Variants in PDS5A observed in about 807,000 individuals in gnomAD.
The protein encoded by PDS5A is sister chromatid cohesion protein PDS5 homolog A.
Under a neutral mutation model 167.1 loss-of-function variants are expected in PDS5A, and 42 were observed. That is an observed-to-expected ratio of 0.25 (90% CI 0.20 to 0.33). The LOEUF is 0.33. Among genes scored for constraint, PDS5A ranks in the 10% least tolerant of loss-of-function variants. The pLI, the probability that PDS5A is intolerant of heterozygous loss-of-function variation, is 1.00. For missense variants in PDS5A, 1,033 were observed against 1,605.9 expected, an observed-to-expected ratio of 0.64 and a Z score of 6.10; for synonymous variants, 553 against 554.6, an observed-to-expected ratio of 1.00 and a Z score of 0.04.
intron 32 of PDS5A, among the ~76,000 whole-genome samples, chr4:39,825,930 T>G (rs1373211735): frequency 6.6e-6 from 1 of 152,076 alleles, no homozygotes; most frequent in Admixed American, 6.6e-5. Flanking sequence ...CTTAAAAAGT[T>G]TTTTCATTTT....
chr4:39,926,551 A>T (rs1439361709), intron 4 of PDS5A, among the ~76,000 whole-genome samples: 1 of 151,878 alleles, frequency 6.6e-6, no homozygotes. Flanking sequence ...AGATACAAAC[A>T]AAAGATATAG....
At chr4:39,960,752 T>C (rs1235892720) in intron 2 of PDS5A, among the ~76,000 whole-genome samples, 1 of 151,580 alleles carries the variant, frequency 6.6e-6, no homozygotes, top group African/African-American at 2.4e-5. Flanking sequence ...TGCAGTGGTG[T>C]GATCTCAGCT....
chr4:39,934,646 G>GA (rs1425918236), intron 2 of PDS5A, among the ~76,000 whole-genome samples: 9 of 145,158 alleles, frequency 6.2e-5, no homozygotes, highest in South Asian at 4.3e-4. Flanking sequence ...AAATGAGCAG[G>GA]AAAAAATCAA....
intron 7 of PDS5A, among the ~76,000 whole-genome samples, chr4:39,919,894 C>A: frequency 6.7e-6 from 1 of 149,050 alleles, no homozygotes. Context: ...ACAGGCAAAA[C>A]AACCAAACCA....
At chr4:39,912,369 G>T (rs1402471678) in intron 9 of PDS5A, among the ~76,000 whole-genome samples, 1 of 152,168 alleles carries the variant, frequency 6.6e-6, no homozygotes, top group African/African-American at 2.4e-5. Context: ...AAAAATATTT[G>T]ATGTCCATCC....
At chr4:39,832,962 T>C (rs894767783) in intron 32 of PDS5A, among the ~76,000 whole-genome samples, 1 of 150,670 alleles carries the variant, frequency 6.6e-6, no homozygotes, top group African/African-American at 2.4e-5. Context: ...TCAAGACCAG[T>C]CTGGCCAACA....
At chr4:39,901,569 C>T (rs1722891071) in intron 13 of PDS5A, among the ~76,000 whole-genome samples, 1 of 152,072 alleles carries the variant, frequency 6.6e-6, no homozygotes, top group South Asian at 2.1e-4. Flanking sequence ...CACGTCCGGC[C>T]TAAAAATGCA....
chr4:39,833,191 C>CAAAAAAAAAAAAAAAAAA (rs1166233113), intron 32 of PDS5A, among the ~76,000 whole-genome samples: 1 of 37,928 alleles, frequency 2.6e-5, no homozygotes, highest in African/African-American at 1.3e-4. Flanking sequence ...AACTCCGTCT[C>CAAAAAAAAAAAAAAAAAA]AAAAAAAAAA....
At chr4:39,842,909 T>TATATATATATATATA (rs1717167841) in intron 30 of PDS5A, among the ~76,000 whole-genome samples, 43 of 92,310 alleles carry the variant, frequency 4.7e-4, no homozygotes, top group African/African-American at 1.5e-3. Context: ...TATCCTATTT[T>TATATATATATATATA]TATATATATA....
chr4:39,886,606 G>A (rs1239253821), intron 17 of PDS5A, among the ~76,000 whole-genome samples: 1 of 151,954 alleles, frequency 6.6e-6, no homozygotes, highest in Non-Finnish European at 1.5e-5. Flanking sequence ...ATGGCTACTT[G>A]GGAGGCTGAG....
chr4:39,852,595 C>T (rs1718210970), intron 26 of PDS5A, among the ~76,000 whole-genome samples: 1 of 152,164 alleles, frequency 6.6e-6, no homozygotes, highest in South Asian at 2.1e-4. Context: ...AAAGTTATAA[C>T]TGCTCATTCT....
chr4:39,935,066 TCCTA>T (rs893017835), intron 2 of PDS5A, among the ~76,000 whole-genome samples: 4 of 152,244 alleles, frequency 2.6e-5, no homozygotes, highest in Admixed American at 6.5e-5. Context: ...GCTTTGTGTG[TCCTA>T]CCTAAGAAAT....
intron 2 of PDS5A, among the ~76,000 whole-genome samples, chr4:39,949,832 A>AAAAAAAAAAAAAAT: frequency 6.6e-6 from 1 of 150,902 alleles, no homozygotes; most frequent in Non-Finnish European, 1.5e-5. Context: ...AAAAAAAAAA[A>AAAAAAAAAAAAAAT]AAAGAAAAAC....
At chr4:39,930,246 A>AAAAAAAAAAAAAAAAATTTTTT in intron 2 of PDS5A, among the ~76,000 whole-genome samples, 6 of 93,090 alleles carry the variant, frequency 6.4e-5, no homozygotes, top group East Asian at 4.9e-4. Context: ...AAAAAAAAAA[A>AAAAAAAAAAAAAAAAATTTTTT]GTTTTTTTGT....
At chr4:39,942,473 C>T (rs1578791406) in intron 2 of PDS5A, among the ~76,000 whole-genome samples, 1 of 152,116 alleles carries the variant, frequency 6.6e-6, no homozygotes, top group African/African-American at 2.4e-5. Context: ...TTTCTTGAGA[C>T]AGGGTCTCAC....
In PDS5A at chr4:39,866,965, C is replaced by T. The variant is rs1355649766; in HGVS notation, c.2538G>A (p.Leu846=). The T allele has an allele frequency of 1.9e-6, 3 of 1,612,206 alleles. No homozygotes were observed. Among genetic ancestry groups the T allele is most frequent in the Non-Finnish European group, 2.5e-6 (3 of 1,178,888 alleles). Residue 846 remains leucine (L), a synonymous_variant, in exon 23 of 33, where the codon CTG becomes CTA. Coordinates refer to ENST00000303538, the MANE Select transcript of PDS5A (RefSeq NM_001100399.2). The part of the protein sequence containing the change: ...VQAIKLLVRW[L]LGMKNNQSKS... ...TAGACTGGTTGTTTTTCATACCCAA[C>T]AGCCACCTTACCAGAAGTTTAATTG...
chr4:39,868,604 T>C lies in PDS5A; in HGVS notation c.2505+790A>G, dbSNP rs10022884. ...TCAGCCTCCCAAAGTGCTGGGATTA[T>C]AGGCGTGAGCCACCATGCCTAGCCC... is the stretch of plus-strand genomic sequence containing the variant. On this transcript the variant is annotated intron_variant, in intron 22 of 32. Transcript: ENST00000303538. The C allele has an allele frequency of 4.5e-3, 2,010 of 450,828 alleles. 40 individuals are homozygous for C. The highest frequency in any genetic ancestry group is 0.036 in the African/African-American group (1,815 of 50,036). 27.9% of individuals were successfully genotyped at this position (450,828 alleles called of 1,614,324 possible).
chr4:39,840,472 T>G (rs919095657), intron 31 of PDS5A, among the ~76,000 whole-genome samples: 1 of 152,202 alleles, frequency 6.6e-6, no homozygotes, highest in Admixed American at 6.5e-5. Flanking sequence ...CTTGGCTCAC[T>G]GCAACCTCCA....
chr4:39,902,446 T>C lies in PDS5A; in HGVS notation c.1400A>G (p.Lys467Arg). 6.5e-7 allele frequency: 1 copy of C among 1,544,836 alleles called. No homozygotes were observed. Among genetic ancestry groups the C allele is most frequent in the Non-Finnish European group, 8.9e-7 (1 of 1,127,118 alleles). Residue 467 changes from lysine to arginine, a missense_variant, in exon 13 of 33, where the codon AAA becomes AGA. Physicochemically the swap from Lys to Arg is conservative, Grantham distance 26. Coordinates refer to ENST00000303538, the MANE Select transcript of PDS5A (RefSeq NM_001100399.2). ...GGGGACAAGATACTGAGCAAAGATT[T>C]TCTCTACCAACAGTCTAGGAAATAA... is the stretch of plus-strand genomic sequence containing the variant. ...NSIDDKLLVEKIFAQYLVPHN... is the reference protein window; with the variant it reads ...NSIDDKLLVERIFAQYLVPHN...
Sources: gnomAD v4.1 joint callset for allele counts (sites outside exome capture counted in the v4.1 genomes callset) on GRCh38, gnomAD v4.1.1 for gene constraint, MANE v1.5 for transcripts, NCBI Gene and HGNC (gene_info 2026-07-23, HGNC 2026-07-21) for gene names.